The following NDRG1 variants were observed in gnomAD, a reference collection of about 807,000 sequenced individuals.
NDRG1 encodes the protein protein NDRG1.
A neutral mutation model predicts 56.9 loss-of-function variants in NDRG1; 32 were observed. The observed-to-expected ratio is 0.56, with a 90% CI of 0.42 to 0.76. The LOEUF (loss-of-function observed/expected upper bound fraction) is 0.76, where lower values mean the gene tolerates loss of function less well. NDRG1 is among the 30% of genes least tolerant of loss of function. The pLI, the probability that NDRG1 is intolerant of heterozygous loss-of-function variation, is 0.00. For synonymous variants in NDRG1, 211 were observed against 204.1 expected (o/e 1.03, Z -0.29); for missense variants, 507 against 545.7 (o/e 0.93, Z 0.71).
intron 3 of NDRG1, among the ~76,000 whole-genome samples, chr8:133,265,168 C>T (rs370631516): frequency 3.9e-5 from 6 of 152,206 alleles, no homozygotes; most frequent in African/African-American, 1.4e-4. Flanking sequence ...CCCCTCCCCA[C>T]GTTTCACAAG....
chr8:133,262,997 G>A (rs58803848), intron 4 of NDRG1, among the ~76,000 whole-genome samples: 52,483 of 152,056 alleles, frequency 0.35, 10,215 homozygotes, highest in South Asian at 0.62. Context: ...TGTTACATGA[G>A]CGAGAAATAA....
At chr8:133,260,188 C>T (rs1335597289) in intron 5 of NDRG1, among the ~76,000 whole-genome samples, 1 of 152,140 alleles carries the variant, frequency 6.6e-6, no homozygotes, top group South Asian at 2.1e-4. Context: ...TGGTGTGAGG[C>T]GAGGAAGCAG....
intron 8 of NDRG1, chr8:133,255,013 A>T: frequency 3.0e-6 from 1 of 328,164 alleles, no homozygotes; most frequent in Non-Finnish European, 6.0e-6. Context: ...CTCCTCTCTC[A>T]TCTCCAAGCC....
At chr8:133,239,308 T>A in intron 15 of NDRG1, 189 bp from the exon 16 acceptor site, 1 of 940,188 alleles carries the variant, frequency 1.1e-6, no homozygotes, top group Non-Finnish European at 1.6e-6. Context: ...AAGGCCCAGA[T>A]GCGGGAAGGA....
At chr8:133,288,664 G>A (rs949732194) in intron 1 of NDRG1, among the ~76,000 whole-genome samples, 3 of 152,196 alleles carry the variant, frequency 2.0e-5, no homozygotes, top group Non-Finnish European at 4.4e-5. Context: ...GCATCAAAGA[G>A]GTCCTCCAGC....
chr8:133,247,988 AG>A, intron 11 of NDRG1, 62 bp from the exon 12 acceptor site: 1 of 1,540,106 alleles, frequency 6.5e-7, no homozygotes, highest in Non-Finnish European at 9.0e-7. Flanking sequence ...TCCCACTCCC[AG>A]GCCTGCCAGG....
At chr8:133,269,115 C>T (rs1288772227) in intron 3 of NDRG1, among the ~76,000 whole-genome samples, 3 of 152,190 alleles carry the variant, frequency 2.0e-5, no homozygotes, top group Non-Finnish European at 2.9e-5. Flanking sequence ...AAAGAGAAAG[C>T]ACAAGGAACC....
chr8:133,238,657 GAGA>G lies in NDRG1; in HGVS notation c.*218_*220del, dbSNP rs1028134721. 1 of 605,310 alleles carries G rather than the reference GAGA, an allele frequency of 1.7e-6. No homozygotes were observed. The highest frequency in any genetic ancestry group is 2.9e-6 in the Non-Finnish European group (1 of 346,732). The allele number at this position is 605,310 out of a possible 1,614,324, so 37.5% of individuals were successfully genotyped here. A position where few individuals can be genotyped will look rare whatever the true frequency, so the allele number is the denominator to read the frequency against. ...GGTTAATGGAAGAGGATGCGATGCG[GAGA>G]TGCTTGCTTCCTTCCTTTGGTCCAC... On this transcript the variant is annotated 3_prime_UTR_variant, in exon 16 of 16. Coordinates refer to ENST00000323851, the MANE Select transcript of NDRG1 (RefSeq NM_006096.4).
chr8:133,280,970 A>T (rs1324836004), intron 2 of NDRG1: 1 of 152,208 alleles, frequency 6.6e-6, no homozygotes, highest in Non-Finnish European at 1.5e-5. Context: ...CATTTTTTCC[A>T]TGGCTGCTGT....
intron 3 of NDRG1, among the ~76,000 whole-genome samples, chr8:133,278,398 T>C (rs1465281699): frequency 1.3e-5 from 2 of 152,116 alleles, no homozygotes; most frequent in Non-Finnish European, 2.9e-5. Flanking sequence ...AGCTGTAAAA[T>C]GAAGGCTTGG....
chr8:133,281,825 G>C (rs1447873130), intron 2 of NDRG1, among the ~76,000 whole-genome samples: 1 of 152,148 alleles, frequency 6.6e-6, no homozygotes, highest in Non-Finnish European at 1.5e-5. Flanking sequence ...AAACGTGGCT[G>C]GCACCTATAC....
chr8:133,267,740 G>A (rs1586458167), intron 3 of NDRG1, among the ~76,000 whole-genome samples: 2 of 152,274 alleles, frequency 1.3e-5, no homozygotes, highest in East Asian at 1.9e-4. Context: ...CACGGACATC[G>A]GAGTTCAAAT....
intron 15 of NDRG1, chr8:133,239,701 C>T: frequency 6.0e-6 from 1 of 165,366 alleles, no homozygotes; most frequent in South Asian, 1.6e-4. Context: ...ACCTCAAATG[C>T]TCTTGCACAT....
At chr8:133,241,368 A>G (rs1855373032) in intron 15 of NDRG1, 1 of 157,768 alleles carries the variant, frequency 6.3e-6, no homozygotes, top group South Asian at 1.9e-4. Context: ...ACTGCAAAAT[A>G]AGAACGAGTG....
chr8:133,283,789 C>T (rs927213199), intron 2 of NDRG1, among the ~76,000 whole-genome samples: 7 of 152,214 alleles, frequency 4.6e-5, no homozygotes, highest in Non-Finnish European at 7.4e-5. Flanking sequence ...TAAGCCCAGA[C>T]AGTGCGGCCC....
At chr8:133,286,973 C>T (rs1858152752) in intron 1 of NDRG1, among the ~76,000 whole-genome samples, 1 of 152,160 alleles carries the variant, frequency 6.6e-6, no homozygotes, top group African/African-American at 2.4e-5. Context: ...TTGACCCAGC[C>T]AGCTGCTGGC....
Position 133,271,687 on chromosome 8 carries a change from G to T in NDRG1, c.100-7035C>A, listed in dbSNP as rs1857192929. Among the ~76,000 whole-genome samples, 3 of 147,058 alleles carry T rather than the reference G, an allele frequency of 2.0e-5. No individual in the cohort carries two copies. The South Asian group carries it at 6.6e-4, about 32-fold the overall frequency. Reference sequence around the variant, plus strand: ...CCCAACTACTAGGGAGGCTGAGGTAGGAGGATCACTTGAGCCCAGGAGGTC... The same window carrying T: ...CCCAACTACTAGGGAGGCTGAGGTATGAGGATCACTTGAGCCCAGGAGGTC... On this transcript the variant is annotated intron_variant, in intron 3 of 15. Transcript: ENST00000323851.
intron 1 of NDRG1, chr8:133,284,809 T>G (rs771354864): frequency 2.2e-6 from 1 of 456,936 alleles, no homozygotes; most frequent in Non-Finnish European, 4.4e-6. Context: ...TAACAGAAGG[T>G]TGGTGATGCA....
At chr8:133,248,549 G>GT (rs1455186680) in intron 11 of NDRG1, among the ~76,000 whole-genome samples, 166 bp downstream of exon 11, 8 of 152,218 alleles carry the variant, frequency 5.3e-5, no homozygotes, top group Non-Finnish European at 1.0e-4. Flanking sequence ...CCGGCACAGG[G>GT]AGAAGTCCAA....
Sources: gnomAD v4.1 joint callset for allele counts (sites outside exome capture counted in the v4.1 genomes callset) on GRCh38, gnomAD v4.1.1 for gene constraint, MANE v1.5 for transcripts, NCBI Gene and HGNC (gene_info 2026-07-23, HGNC 2026-07-21) for gene names.